RTTN: variants seen among roughly 807,000 people sequenced by gnomAD.
The protein encoded by RTTN is rotatin.
A neutral mutation model predicts 269.2 loss-of-function variants in RTTN; 182 were observed. That is an observed-to-expected ratio of 0.68 (90% CI 0.60 to 0.76). The LOEUF is 0.76. RTTN is among the 30% of genes least tolerant of loss of function. The pLI is 0.00. For missense variants in RTTN, 2,545 were observed against 2,608.6 expected, an observed-to-expected ratio of 0.98 and a Z score of 0.53; for synonymous variants, 1,006 against 963.5, an observed-to-expected ratio of 1.04 and a Z score of -0.82.
intron 14 of RTTN, among the ~76,000 whole-genome samples, chr18:70,163,304 C>T (rs985196055): frequency 2.6e-5 from 4 of 151,724 alleles, no homozygotes; most frequent in Non-Finnish European, 5.9e-5. Flanking sequence ...ATCACTTGAA[C>T]CCGGGAGGCA....
At chr18:70,158,881 A>G (rs1261903457) in intron 14 of RTTN, among the ~76,000 whole-genome samples, 1 of 139,580 alleles carries the variant, frequency 7.2e-6, no homozygotes, top group Non-Finnish European at 1.6e-5. Flanking sequence ...GGTTCAATTC[A>G]ACAAGAAGAT....
At position 70,167,020 on chromosome 18, in the gene RTTN, ATTC is replaced by A; in HGVS notation, c.1698_1700del (p.Lys566del). Reference sequence around the variant, plus strand: ...CTGCCAGCTCCACTAATTCTAAGAGATTCTTCTCTCCCTACAAAAGAAGCAGAA... The same window carrying A: ...CTGCCAGCTCCACTAATTCTAAGAGATTCTCTCCCTACAAAAGAAGCAGAA... On this transcript the variant is annotated inframe_deletion, in exon 13 of 49. Transcript: ENST00000640769. 6.2e-7 allele frequency: 1 copy of A among 1,609,330 alleles called. No homozygotes were observed. Among genetic ancestry groups the A allele is most frequent in the Non-Finnish European group, 8.5e-7 (1 of 1,175,988 alleles).
chr18:70,091,216 G>A (rs1292361799), intron 30 of RTTN, among the ~76,000 whole-genome samples: 1 of 152,094 alleles, frequency 6.6e-6, no homozygotes, highest in African/African-American at 2.4e-5. Context: ...GAGAATAAAA[G>A]CATTTTGCAT....
intron 10 of RTTN, among the ~76,000 whole-genome samples, chr18:70,180,769 A>G (rs2061406231): frequency 6.6e-6 from 1 of 152,160 alleles, no homozygotes; most frequent in South Asian, 2.1e-4. Context: ...TGACCTCATA[A>G]ATAGTGCTTA....
intron 32 of RTTN, among the ~76,000 whole-genome samples, chr18:70,078,837 C>A (rs758848849): frequency 2.0e-5 from 3 of 151,952 alleles, no homozygotes; most frequent in Non-Finnish European, 4.4e-5. Context: ...GTATTAGAAA[C>A]GGCAGAGGAA....
intron 14 of RTTN, among the ~76,000 whole-genome samples, chr18:70,160,196 T>C (rs2060788840): frequency 6.6e-6 from 1 of 151,150 alleles, no homozygotes; most frequent in South Asian, 2.1e-4. Context: ...AAAATATTGG[T>C]ATACTGAAAC....
At chr18:70,078,560 T>C (rs111902192) in intron 32 of RTTN, among the ~76,000 whole-genome samples, 11 of 152,104 alleles carry the variant, frequency 7.2e-5, no homozygotes, top group East Asian at 1.9e-4. Flanking sequence ...TTTTAAATTA[T>C]ATTTTTATAT....
At chr18:70,170,751 A>G (rs2061119026) in intron 11 of RTTN, among the ~76,000 whole-genome samples, 1 of 152,230 alleles carries the variant, frequency 6.6e-6, no homozygotes, top group Non-Finnish European at 1.5e-5. Context: ...GTAATGTGCA[A>G]AAGTGGAAGC....
chr18:70,064,528 T>C (rs559808118), intron 35 of RTTN, among the ~76,000 whole-genome samples: 2 of 152,200 alleles, frequency 1.3e-5, no homozygotes, highest in African/African-American at 2.4e-5. Flanking sequence ...TTCTGATACA[T>C]GCTAGAACAT....
At chr18:70,129,528 G>A (rs975637569) in intron 23 of RTTN, 1 of 151,570 alleles carries the variant, frequency 6.6e-6, no homozygotes, top group African/African-American at 2.4e-5. Context: ...TTTGGGGAAA[G>A]AACAGTCTCT....
intron 44 of RTTN, among the ~76,000 whole-genome samples, chr18:70,022,762 C>T (rs1259032715): frequency 6.6e-6 from 1 of 152,136 alleles, no homozygotes; most frequent in Admixed American, 6.6e-5. Context: ...CTGAGCATGC[C>T]CTTCTCTGAC....
intron 10 of RTTN, among the ~76,000 whole-genome samples, chr18:70,186,295 C>T (rs543484525): frequency 2.0e-5 from 3 of 152,324 alleles, no homozygotes; most frequent in South Asian, 4.1e-4. Context: ...TCAACAGGTT[C>T]TTGGAAACTG....
chr18:70,201,975 T>C lies in RTTN; in HGVS notation c.406A>G (p.Lys136Glu), dbSNP rs779258069. The change falls in exon 4 of 49, where the codon AAA becomes GAA. Residue 136 changes from lysine to glutamate, a missense_variant. Coordinates refer to ENST00000640769, the MANE Select transcript of RTTN (RefSeq NM_173630.4). ...SYQTNQTELS[K>E]NPEILTGYFP... is the part of the protein sequence containing the mutation. The stretch of plus-strand genomic sequence containing the variant: ...TATCCTGTTAAGATTTCAGGGTTTT[T>C]TGACAATTCTGAAAAGGAAATAAAC... 3.2e-5 allele frequency: 51 copies of C among 1,593,458 alleles called. No individual in the cohort carries two copies. Among genetic ancestry groups the C allele is most frequent in the Non-Finnish European group, 4.2e-5 (49 of 1,162,094 alleles).
intron 25 of RTTN, among the ~76,000 whole-genome samples, chr18:70,126,540 A>G (rs967971415): frequency 8.5e-5 from 13 of 152,152 alleles, no homozygotes; most frequent in Non-Finnish European, 1.8e-4. Flanking sequence ...TTTCCATAAA[A>G]TACATACCCC....
chr18:70,133,871 T>G (rs780807550), intron 23 of RTTN, among the ~76,000 whole-genome samples: 1 of 152,114 alleles, frequency 6.6e-6, no homozygotes. Flanking sequence ...AAAAACAATT[T>G]ACTTTTTACA....
chr18:70,104,772 T>C (rs1451019815), intron 28 of RTTN, among the ~76,000 whole-genome samples: 1 of 152,214 alleles, frequency 6.6e-6, no homozygotes, highest in African/African-American at 2.4e-5. Flanking sequence ...CTCCAGACCC[T>C]GTTTGCCTGG....
At chr18:70,178,252 G>A (rs913047421) in intron 10 of RTTN, among the ~76,000 whole-genome samples, 1 of 152,144 alleles carries the variant, frequency 6.6e-6, no homozygotes, top group African/African-American at 2.4e-5. Flanking sequence ...AAAGGGTGTT[G>A]AGCATTCAAA....
intron 42 of RTTN, 33 bp downstream of exon 42, chr18:70,029,979 A>G (rs1459740800): frequency 1.4e-6 from 2 of 1,465,088 alleles, no homozygotes; most frequent in Non-Finnish European, 1.9e-6. Context: ...AATGGTCTCT[A>G]TATATAGCCA....
intron 11 of RTTN, among the ~76,000 whole-genome samples, chr18:70,170,482 A>G (rs1403341611): frequency 2.0e-5 from 3 of 152,222 alleles, no homozygotes; most frequent in Non-Finnish European, 4.4e-5. Context: ...TAATAAGATG[A>G]CATTTAAGTA....
Sources: gnomAD v4.1 joint callset for allele counts (sites outside exome capture counted in the v4.1 genomes callset) on GRCh38, gnomAD v4.1.1 for gene constraint, MANE v1.5 for transcripts, NCBI Gene and HGNC (gene_info 2026-07-23, HGNC 2026-07-21) for gene names.